Variants in KLHL1 observed in about 807,000 individuals in gnomAD.
KLHL1 encodes kelch like family member 1.
KLHL1 carries 47 observed loss-of-function variants against 77.7 expected under a neutral mutation model. That is an observed-to-expected ratio of 0.60 (90% CI 0.48 to 0.77). The LOEUF is 0.77. KLHL1 is among the 30% of genes least tolerant of loss of function. KLHL1 has a pLI of 0.00. For synonymous variants in KLHL1, 360 were observed against 325.2 expected, an observed-to-expected ratio of 1.11 and a Z score of -1.15; for missense variants, 925 against 910.8, an observed-to-expected ratio of 1.02 and a Z score of -0.20.
At chr13:69,943,817 G>T (rs1883437015) in intron 3 of KLHL1, among the ~76,000 whole-genome samples, 1 of 152,036 alleles carries the variant, frequency 6.6e-6, no homozygotes, top group Non-Finnish European at 1.5e-5. Flanking sequence ...TACCTAAATT[G>T]TTCAGTAAAG....
At chr13:69,868,088 C>A (rs2138167861) in intron 5 of KLHL1, among the ~76,000 whole-genome samples, 1 of 152,040 alleles carries the variant, frequency 6.6e-6, no homozygotes, top group East Asian at 1.9e-4. Flanking sequence ...ATGTAGTATT[C>A]TTTTTAATCT....
chr13:69,932,002 A>G (rs907244858), intron 4 of KLHL1, among the ~76,000 whole-genome samples: 1 of 151,830 alleles, frequency 6.6e-6, no homozygotes, highest in Admixed American at 6.6e-5. Flanking sequence ...ATTTTACTAC[A>G]AATTACTTAT....
intron 1 of KLHL1, among the ~76,000 whole-genome samples, chr13:70,036,047 A>C (rs946913877): frequency 1.3e-5 from 2 of 151,982 alleles, no homozygotes; most frequent in African/African-American, 4.8e-5. Context: ...GATTACACAG[A>C]ATCTTACATT....
intron 6 of KLHL1, among the ~76,000 whole-genome samples, chr13:69,823,145 G>A (rs1369542853): frequency 6.6e-6 from 1 of 151,960 alleles, no homozygotes; most frequent in Non-Finnish European, 1.5e-5. Flanking sequence ...TCAAAGTAAG[G>A]CTGCATCCAT....
intron 1 of KLHL1, among the ~76,000 whole-genome samples, chr13:70,062,649 A>C (rs981766413): frequency 3.9e-5 from 6 of 152,134 alleles, no homozygotes; most frequent in African/African-American, 1.2e-4. Flanking sequence ...AAATTAATAA[A>C]TTGATGAGTG....
chr13:69,784,518 AG>A (rs1433346225), intron 7 of KLHL1, among the ~76,000 whole-genome samples: 2 of 152,124 alleles, frequency 1.3e-5, no homozygotes, highest in African/African-American at 2.4e-5. Flanking sequence ...AAACAAAAAA[AG>A]GCAGGGGTTG....
intron 3 of KLHL1, among the ~76,000 whole-genome samples, chr13:69,953,699 T>C (rs1418738925): frequency 1.3e-5 from 2 of 151,110 alleles, no homozygotes; most frequent in Non-Finnish European, 3.0e-5. Flanking sequence ...AAATTCACCA[T>C]TATACATGTA....
chr13:69,904,961 G>GA (rs1342418442), intron 4 of KLHL1, among the ~76,000 whole-genome samples: 4 of 152,156 alleles, frequency 2.6e-5, no homozygotes, highest in African/African-American at 9.6e-5. Flanking sequence ...CTAGAGAATG[G>GA]AAAATCTGCA....
At chr13:69,932,927 T>C (rs999297223) in intron 4 of KLHL1, among the ~76,000 whole-genome samples, 1 of 152,014 alleles carries the variant, frequency 6.6e-6, no homozygotes, top group African/African-American at 2.4e-5. Context: ...TTAATTTGAT[T>C]TTGATAACCA....
chr13:69,784,882 ATTTTTTTTTTTT>A (rs775109435), intron 7 of KLHL1, among the ~76,000 whole-genome samples: 1 of 79,484 alleles, frequency 1.3e-5, no homozygotes, highest in Admixed American at 1.7e-4. Context: ...CAGAATATAC[ATTTTTTTTTTTT>A]TTTTTTTTTT....
In KLHL1 at chr13:70,107,916, G is replaced by A. The variant is rs1045410859; in HGVS notation, c.-217C>T. ...CGTTTCAGCCGTGGTCGGGTCCGCA[G>A]GACCTGGGCGTGGGGACACCACCAG... On this transcript the variant is annotated 5_prime_UTR_variant, in exon 1 of 11. Transcript: ENST00000377844. The A allele has an allele frequency of 1.6e-5, 8 of 507,622 alleles. No homozygotes were observed. The highest frequency in any genetic ancestry group is 3.7e-5 in the Admixed American group (1 of 26,716). The allele number at this position is 507,622 out of a possible 1,614,324, so 31.4% of individuals were successfully genotyped here. A position where few individuals can be genotyped will look rare whatever the true frequency, so the allele number is the denominator to read the frequency against.
chr13:69,925,980 A>G (rs112426311), intron 4 of KLHL1, among the ~76,000 whole-genome samples: 2,581 of 152,350 alleles, frequency 0.017, 72 homozygotes, highest in African/African-American at 0.057. Flanking sequence ...ATAATCAAAT[A>G]CAATACATAT....
intron 4 of KLHL1, among the ~76,000 whole-genome samples, chr13:69,917,106 A>C (rs969912185): frequency 1.3e-5 from 2 of 152,060 alleles, no homozygotes; most frequent in African/African-American, 2.4e-5. Context: ...ATATACACAC[A>C]GATTTGTGGG....
chr13:69,889,826 C>T (rs941325162), intron 4 of KLHL1, among the ~76,000 whole-genome samples: 2 of 151,962 alleles, frequency 1.3e-5, no homozygotes, highest in African/African-American at 4.8e-5. Context: ...AATTTACTAT[C>T]CTTAGAGGAA....
chr13:69,784,168 A>G (rs1171527507), intron 7 of KLHL1, among the ~76,000 whole-genome samples: 1 of 152,204 alleles, frequency 6.6e-6, no homozygotes, highest in Non-Finnish European at 1.5e-5. Context: ...TTGCCCTACA[A>G]GAGCTCCTGA....
chr13:69,781,213 T>G (rs1438000576), intron 7 of KLHL1, among the ~76,000 whole-genome samples: 2 of 151,878 alleles, frequency 1.3e-5, no homozygotes, highest in East Asian at 3.9e-4. Context: ...CCTCTACCTT[T>G]CCTGAAAAGG....
chr13:70,067,271 T>G (rs1887030758), intron 1 of KLHL1, among the ~76,000 whole-genome samples: 1 of 152,268 alleles, frequency 6.6e-6, no homozygotes, highest in Non-Finnish European at 1.5e-5. Context: ...GTTTATTGTA[T>G]GTAATACATT....
At chr13:69,929,363 A>G (rs988669721) in intron 4 of KLHL1, among the ~76,000 whole-genome samples, 3 of 151,978 alleles carry the variant, frequency 2.0e-5, no homozygotes, top group African/African-American at 7.2e-5. Flanking sequence ...TTGGGAAGAT[A>G]ATAAAAAAAT....
At chr13:69,940,447 C>G (rs1883330553) in intron 3 of KLHL1, among the ~76,000 whole-genome samples, 1 of 151,934 alleles carries the variant, frequency 6.6e-6, no homozygotes, top group East Asian at 1.9e-4. Context: ...TCAGTAGATA[C>G]AAATGCAGTT....
Sources: allele counts gnomAD v4.1 joint callset (sites outside exome capture counted in the v4.1 genomes callset), GRCh38; gene constraint gnomAD v4.1.1; transcripts MANE v1.5; gene names NCBI Gene and HGNC (gene_info 2026-07-23, HGNC 2026-07-21).